The following AKNAD1 variants were observed in gnomAD, a reference collection of about 807,000 sequenced individuals.
AKNAD1 encodes the protein protein AKNAD1.
In AKNAD1, 67 loss-of-function variants were observed where a neutral mutation model predicts 90.8. The ratio of observed to expected loss-of-function variants is 0.74; its 90% CI spans 0.61 to 0.90. The LOEUF (loss-of-function observed/expected upper bound fraction) is 0.90, where lower values mean the gene tolerates loss of function less well. Among genes scored for constraint, AKNAD1 ranks in the 40% least tolerant of loss-of-function variants. The pLI is 0.00. For missense variants in AKNAD1, 957 were observed against 975.4 expected (o/e 0.98, Z 0.25); for synonymous variants, 327 against 341.4 (o/e 0.96, Z 0.46).
At chr1:108,829,907 C>T (rs904573717) in intron 10 of AKNAD1, among the ~76,000 whole-genome samples, 2 of 152,144 alleles carry the variant, frequency 1.3e-5, no homozygotes, top group African/African-American at 4.8e-5. Context: ...GATACTGAAT[C>T]GACACAGATT....
intron 9 of AKNAD1, among the ~76,000 whole-genome samples, chr1:108,832,775 T>C (rs1664250497): frequency 6.6e-6 from 1 of 152,126 alleles, no homozygotes; most frequent in African/African-American, 2.4e-5. Flanking sequence ...AAGATTAAAA[T>C]AATGAGATAT....
Position 108,843,132 on chromosome 1 carries a change from A to T in AKNAD1, c.1379+2T>A, listed in dbSNP as rs769746916. The T allele has an allele frequency of 6.2e-7, 1 of 1,613,804 alleles. No homozygotes were observed. Among genetic ancestry groups the T allele is most frequent in the Non-Finnish European group, 8.5e-7 (1 of 1,179,956 alleles). On this transcript the variant is annotated splice_donor_variant, in intron 6 of 15. Coordinates refer to ENST00000370001, the MANE Select transcript of AKNAD1 (RefSeq NM_152763.5). LOFTEE classifies it high-confidence loss of function. ...ACCTTACACAGTTGGTTTAAATCTGACCTTTCTGGATCAAAGTCACCAACG... is the reference window on the plus strand; with the variant it reads ...ACCTTACACAGTTGGTTTAAATCTGTCCTTTCTGGATCAAAGTCACCAACG...
At chr1:108,854,104 G>C (rs1440093584) in intron 1 of AKNAD1, among the ~76,000 whole-genome samples, 1 of 152,140 alleles carries the variant, frequency 6.6e-6, no homozygotes, top group Admixed American at 6.5e-5. Context: ...CCCAGGCGGC[G>C]GTCTGGTGGT....
rs1664875981 is a variant in AKNAD1, at chr1:108,851,880, G to C, written c.785C>G (p.Ser262Cys). 2 of 1,614,012 alleles carry C rather than the reference G, an allele frequency of 1.2e-6. No homozygotes were observed. Among genetic ancestry groups the C allele is most frequent in the South Asian group, 2.2e-5 (2 of 91,062 alleles). The change falls in exon 2 of 16, where the codon TCT (serine) becomes TGT (cysteine). Residue 262 changes from serine (S) to cysteine (C), a missense_variant. Ser to Cys is a moderately radical substitution (Grantham distance 112, BLOSUM62 -1). Transcript: ENST00000370001. ...GQVHYQLPDF[S>C]KIAPKVKIPK... ...AATTTTCACTTTGGGAGCAATCTTA[G>C]AGAAATCAGGGAGCTGGTAATGAAC...
In AKNAD1 at chr1:108,837,720, AAC is replaced by A. The variant is rs764047156; in HGVS notation, c.1380-16_1380-15del. On this transcript the variant is annotated splice_polypyrimidine_tract_variant and intron_variant, in intron 6 of 15. Transcript: ENST00000370001. ...CCTTCCACTTTTCTAAGTAAACATA[AAC>A]ACACAGGCATCTTCTGGGCTATGTG... 17 of 1,613,738 alleles carry A rather than the reference AAC, an allele frequency of 1.1e-5. No individual in the cohort carries two copies. Among genetic ancestry groups the A allele is most frequent in the Non-Finnish European group, 1.4e-5 (17 of 1,179,790 alleles).
chr1:108,836,654 G>A (rs1664396505), intron 7 of AKNAD1: 1 of 152,240 alleles, frequency 6.6e-6, no homozygotes, highest in African/African-American at 2.4e-5. Context: ...CCTTCGCTTT[G>A]ACAAAATCCT....
Position 108,849,022 on chromosome 1 carries a change from T to C in AKNAD1, c.1072A>G (p.Thr358Ala). ...SEASLSKLSPTSQKGTSSSSS... is the reference protein window; with the variant it reads ...SEASLSKLSPASQKGTSSSSS... The stretch of plus-strand genomic sequence containing the variant: ...CTTGAGGAAGTGCCTTTCTGAGAGG[T>C]TGGTGACAACTTAGAGAGACTTGCC... Residue 358 changes from threonine (T) to alanine (A), a missense_variant, in exon 4 of 16, where the codon ACC becomes GCC. Coordinates refer to ENST00000370001, the MANE Select transcript of AKNAD1 (RefSeq NM_152763.5). 2 of 1,609,926 alleles carry C rather than the reference T, an allele frequency of 1.2e-6. No individual in the cohort carries two copies. The highest frequency in any genetic ancestry group is 1.7e-6 in the Non-Finnish European group (2 of 1,179,028).
At chr1:108,821,924 G>A (rs1663825190) in intron 13 of AKNAD1, among the ~76,000 whole-genome samples, 2 of 151,866 alleles carry the variant, frequency 1.3e-5, no homozygotes, top group South Asian at 4.2e-4. Context: ...AAGTAGCCAG[G>A]CTTCACTCAC....
intron 11 of AKNAD1, among the ~76,000 whole-genome samples, chr1:108,825,870 A>G (rs1353659571): frequency 1.3e-5 from 2 of 151,824 alleles, no homozygotes; most frequent in African/African-American, 4.8e-5. Flanking sequence ...AATGAAAATA[A>G]CTATTTCTAA....
rs763929973 is a variant in AKNAD1 at position 108,849,015 on chromosome 1, T to C, written c.1079A>G (p.Gln360Arg). The C allele has an allele frequency of 3.7e-6, 6 of 1,610,812 alleles. No homozygotes were observed. In the South Asian group the frequency reaches 5.6e-5, roughly 15 times the overall value. The change falls in exon 4 of 16, where the codon CAG (glutamine) becomes CGG (arginine). Residue 360 changes from glutamine (Q) to arginine (R), a missense_variant. Physicochemically the swap from Gln to Arg is conservative, Grantham distance 43. Transcript: ENST00000370001. ...ASLSKLSPTS[Q>R]KGTSSSSSYI... The stretch of plus-strand genomic sequence containing the variant: ...AGAAGAACTTGAGGAAGTGCCTTTC[T>C]GAGAGGTTGGTGACAACTTAGAGAG...
chr1:108,831,238 G>A (rs1056474842), intron 9 of AKNAD1, among the ~76,000 whole-genome samples: 1 of 152,200 alleles, frequency 6.6e-6, no homozygotes, highest in Non-Finnish European at 1.5e-5. Context: ...ACCACCCACT[G>A]TGTATTTTTG....
At chr1:108,829,663 A>G (rs769589931) in intron 10 of AKNAD1, among the ~76,000 whole-genome samples, 63 of 152,128 alleles carry the variant, frequency 4.1e-4, no homozygotes, top group Non-Finnish European at 1.0e-4. Flanking sequence ...TAGAACTCTT[A>G]AGGCAGGTGC....
At chr1:108,833,878 A>G (rs910173715) in intron 9 of AKNAD1, among the ~76,000 whole-genome samples, 1 of 152,036 alleles carries the variant, frequency 6.6e-6, no homozygotes, top group African/African-American at 2.4e-5. Context: ...ACCCTGAACA[A>G]ATATCACCTT....
rs1301364805 is a variant in AKNAD1 at position 108,837,724 on chromosome 1, C to T, written c.1380-18G>A. On this transcript the variant is annotated intron_variant, in intron 6 of 15. Transcript: ENST00000370001. ...CCACTTTTCTAAGTAAACATAAACA[C>T]ACAGGCATCTTCTGGGCTATGTGGT... is the stretch of plus-strand genomic sequence containing the variant. The T allele has an allele frequency of 1.2e-6, 2 of 1,613,462 alleles. No individual in the cohort carries two copies. The highest frequency in any genetic ancestry group is 2.2e-5 in the East Asian group (1 of 44,874).
intron 1 of AKNAD1, among the ~76,000 whole-genome samples, chr1:108,855,725 G>T (rs1319381214): frequency 6.6e-6 from 1 of 152,068 alleles, no homozygotes; most frequent in East Asian, 1.9e-4. Context: ...GGCAGAGGTT[G>T]CAGTGAGCCG....
chr1:108,854,245 CT>C (rs1394702951), intron 1 of AKNAD1, among the ~76,000 whole-genome samples: 3 of 152,172 alleles, frequency 2.0e-5, no homozygotes, highest in Non-Finnish European at 2.9e-5. Flanking sequence ...GATTTGTGAA[CT>C]TTTGGGATGA....
At chr1:108,848,507 T>G (rs77474075) in intron 5 of AKNAD1, among the ~76,000 whole-genome samples, 4,230 of 152,246 alleles carry the variant, frequency 0.028, 227 homozygotes, top group East Asian at 0.19. Context: ...TCAGATTAAT[T>G]ATGAGTAACC....
rs1664790208 is a variant in AKNAD1 at position 108,849,524 on chromosome 1, A to G, written c.1033+13T>C. The G allele has an allele frequency of 6.6e-7, 1 of 1,526,140 alleles. No homozygotes were observed. Among genetic ancestry groups the G allele is most frequent in the Non-Finnish European group, 9.1e-7 (1 of 1,100,426 alleles). 94.5% of individuals were successfully genotyped at this position (1,526,140 alleles called of 1,614,324 possible). On this transcript the variant is annotated intron_variant, in intron 3 of 15. Transcript: ENST00000370001. The stretch of plus-strand genomic sequence containing the variant: ...TATATATATATCTCAAAGAAGTTTT[A>G]AAACATTAGTACCTGTGAGAAGTTC...
At chr1:108,823,835 GC>G in intron 11 of AKNAD1, 147 bp from the exon 12 acceptor site, 1 of 1,214,048 alleles carries the variant, frequency 8.2e-7, no homozygotes, top group Non-Finnish European at 1.1e-6. Flanking sequence ...AAGAGGAGTT[GC>G]CAGCCTGGGG....
Sources: allele counts gnomAD v4.1 joint callset (sites outside exome capture counted in the v4.1 genomes callset), GRCh38; gene constraint gnomAD v4.1.1; transcripts MANE v1.5; gene names NCBI Gene and HGNC (gene_info 2026-07-23, HGNC 2026-07-21).